Variants in PRKG1 observed in about 807,000 individuals in gnomAD.
The protein encoded by PRKG1 is cGMP-dependent protein kinase 1.
In PRKG1, 35 loss-of-function variants were observed where a neutral mutation model predicts 88.1. The observed-to-expected ratio is 0.40, with a 90% CI of 0.30 to 0.53. The LOEUF (loss-of-function observed/expected upper bound fraction) is 0.53, where lower values mean the gene tolerates loss of function less well. Among genes scored for constraint, PRKG1 ranks in the 20% least tolerant of loss-of-function variants. PRKG1 has a pLI of 0.59. For missense variants in PRKG1, 540 were observed against 839.8 expected (o/e 0.64, Z 4.41); for synonymous variants, 303 against 292.5 (o/e 1.04, Z -0.37).
chr10:52,015,072 A>G (rs1011351769), intron 5 of PRKG1, among the ~76,000 whole-genome samples: 2 of 152,150 alleles, frequency 1.3e-5, no homozygotes, highest in Admixed American at 6.5e-5. Flanking sequence ...TAACCTTCTC[A>G]CAGCTCTTCT....
At chr10:52,158,155 G>A (rs974092683) in intron 8 of PRKG1, among the ~76,000 whole-genome samples, 1 of 151,756 alleles carries the variant, frequency 6.6e-6, no homozygotes, top group African/African-American at 2.4e-5. Context: ...TGTAACGTGT[G>A]TATGAATTGT....
At chr10:52,073,838 A>G (rs1241532887) in intron 7 of PRKG1, among the ~76,000 whole-genome samples, 1 of 152,234 alleles carries the variant, frequency 6.6e-6, no homozygotes, top group South Asian at 2.1e-4. Context: ...AACATAATGC[A>G]TAAAAAAATT....
At chr10:52,096,079 G>C (rs916719332) in intron 7 of PRKG1, among the ~76,000 whole-genome samples, 2 of 152,128 alleles carry the variant, frequency 1.3e-5, no homozygotes, top group African/African-American at 4.8e-5. Flanking sequence ...TCTGTACTTA[G>C]AGGCTGTAGG....
intron 5 of PRKG1, among the ~76,000 whole-genome samples, chr10:51,920,803 C>T (rs10762499): frequency 0.71 from 107,859 of 151,764 alleles, 39,037 homozygotes; most frequent in African/African-American, 0.86. Context: ...TTTTTTTTCT[C>T]ATGAGTAGAC....
chr10:51,743,689 AT>A (rs1589251248), intron 3 of PRKG1, among the ~76,000 whole-genome samples: 2 of 132,126 alleles, frequency 1.5e-5, no homozygotes, highest in East Asian at 4.0e-4. Context: ...TATATAATTT[AT>A]TATATATATA....
intron 2 of PRKG1, among the ~76,000 whole-genome samples, chr10:51,397,117 T>G (rs1588914448): frequency 6.7e-6 from 1 of 150,128 alleles, no homozygotes; most frequent in South Asian, 2.1e-4. Context: ...GTATCTTGAT[T>G]ACTGAGTATT....
intron 5 of PRKG1, among the ~76,000 whole-genome samples, chr10:51,933,553 C>A (rs1287497013): frequency 6.6e-6 from 1 of 151,820 alleles, no homozygotes; most frequent in East Asian, 1.9e-4. Context: ...CTTCTTCACC[C>A]AAACAGAAAT....
intron 9 of PRKG1, among the ~76,000 whole-genome samples, chr10:52,227,517 T>C (rs1445384882): frequency 6.6e-6 from 1 of 152,132 alleles, no homozygotes; most frequent in Non-Finnish European, 1.5e-5. Context: ...CTAGAGATAA[T>C]TTAAAGTGTA....
intron 1 of PRKG1, among the ~76,000 whole-genome samples, chr10:51,045,704 T>A (rs907116258): frequency 6.6e-6 from 1 of 152,196 alleles, no homozygotes; most frequent in Non-Finnish European, 1.5e-5. Flanking sequence ...ACCATAAAAC[T>A]TCGTGTTTAT....
intron 1 of PRKG1, 29 bp from the exon 2 acceptor site, chr10:51,153,135 G>A (rs1021792402): frequency 1.9e-6 from 3 of 1,602,652 alleles, no homozygotes; most frequent in African/African-American, 2.7e-5. Context: ...TGTCAGATGT[G>A]CCAGTAAATC....
intron 3 of PRKG1, among the ~76,000 whole-genome samples, chr10:51,779,978 G>A (rs888846128): frequency 4.6e-5 from 7 of 152,144 alleles, no homozygotes; most frequent in Admixed American, 4.6e-4. Flanking sequence ...GGCAGAAAAG[G>A]TTGAGGGCTA....
chr10:51,957,242 C>CT (rs1843334524), intron 5 of PRKG1, among the ~76,000 whole-genome samples: 2 of 129,388 alleles, frequency 1.5e-5, no homozygotes, highest in Non-Finnish European at 3.2e-5. Context: ...CTCTACTTCT[C>CT]TCTTTTCTTT....
At chr10:52,030,652 G>A (rs180938500) in intron 5 of PRKG1, among the ~76,000 whole-genome samples, 9 of 152,180 alleles carry the variant, frequency 5.9e-5, no homozygotes, top group African/African-American at 1.7e-4. Context: ...TCAGCGATGG[G>A]AAGTGACCAT....
chr10:51,588,872 A>T (rs912954461), intron 3 of PRKG1, among the ~76,000 whole-genome samples: 1 of 152,072 alleles, frequency 6.6e-6, no homozygotes, highest in Non-Finnish European at 1.5e-5. Flanking sequence ...TTGCCTTTTG[A>T]TAGTAGTCCA....
chr10:51,961,415 C>G (rs1016920866), intron 5 of PRKG1, among the ~76,000 whole-genome samples: 1 of 152,090 alleles, frequency 6.6e-6, no homozygotes, highest in Non-Finnish European at 1.5e-5. Context: ...TTAAGCAGAC[C>G]TGCACAATTC....
intron 1 of PRKG1, among the ~76,000 whole-genome samples, chr10:51,125,218 T>A (rs1043686848): frequency 6.6e-6 from 1 of 151,858 alleles, no homozygotes; most frequent in African/African-American, 2.4e-5. Flanking sequence ...CAGCTACTCA[T>A]GAGGCTGAGG....
intron 3 of PRKG1, among the ~76,000 whole-genome samples, chr10:51,534,697 C>T (rs1842102848): frequency 6.8e-6 from 1 of 147,462 alleles, no homozygotes; most frequent in African/African-American, 2.5e-5. Context: ...GAAAGAAAGG[C>T]AGTTCTGCCC....
intron 3 of PRKG1, among the ~76,000 whole-genome samples, chr10:51,565,912 T>C (rs1377366160): frequency 2.0e-5 from 3 of 152,138 alleles, no homozygotes; most frequent in Non-Finnish European, 4.4e-5. Context: ...TGGCAGTGTT[T>C]TTGGTGTTCT....
intron 5 of PRKG1, among the ~76,000 whole-genome samples, chr10:51,967,353 T>C (rs961853003): frequency 6.6e-6 from 1 of 151,956 alleles, no homozygotes; most frequent in Non-Finnish European, 1.5e-5. Context: ...TAGGTGGGAA[T>C]TGAACAATGA....
Sources: gnomAD v4.1 joint callset for allele counts (sites outside exome capture counted in the v4.1 genomes callset) on GRCh38, gnomAD v4.1.1 for gene constraint, MANE v1.5 for transcripts, NCBI Gene and HGNC (gene_info 2026-07-23, HGNC 2026-07-21) for gene names.